The following TMC2 variants were observed in gnomAD, a reference collection of about 807,000 sequenced individuals.
TMC2 encodes the protein transmembrane channel-like protein 2.
A neutral mutation model predicts 105.9 loss-of-function variants in TMC2; 102 were observed. That is an observed-to-expected ratio of 0.96 (90% CI 0.82 to 1.14). The LOEUF is 1.14. Among genes scored for constraint, TMC2 ranks in the 50% most tolerant of loss-of-function variants. The pLI, the probability that TMC2 is intolerant of heterozygous loss-of-function variation, is 0.00. For synonymous variants in TMC2, 402 were observed against 422.8 expected, an observed-to-expected ratio of 0.95 and a Z score of 0.60; for missense variants, 1,093 against 1,134.3, an observed-to-expected ratio of 0.96 and a Z score of 0.52.
At chr20:2,561,125 T>C (rs1196512366) in intron 3 of TMC2, among the ~76,000 whole-genome samples, 1 of 152,228 alleles carries the variant, frequency 6.6e-6, no homozygotes, top group Admixed American at 6.5e-5. Flanking sequence ...TTACTTAATT[T>C]GGACAGATGT....
chr20:2,610,422 G>C lies in TMC2; in HGVS notation c.1417G>C (p.Glu473Gln), dbSNP rs757550968. 1 of 1,610,880 alleles carries C rather than the reference G, an allele frequency of 6.2e-7. No homozygotes were observed. Among genetic ancestry groups the C allele is most frequent in the East Asian group, 2.2e-5 (1 of 44,582 alleles). The part of the protein sequence containing the change: ...NVSWYERNEV[E>Q]IVMSLLGMFC... Reference sequence around the variant, plus strand: ...GTAGGCTTTCCTGATTCCTCAGGTAGAGATCGTGATGTCCCTGCTTGGAAT... The same window carrying C: ...GTAGGCTTTCCTGATTCCTCAGGTACAGATCGTGATGTCCCTGCTTGGAAT... The change falls in exon 12 of 20, where the codon GAG (glutamate) becomes CAG (glutamine). Residue 473 changes from glutamate (E) to glutamine (Q), a missense_variant. Transcript: ENST00000358864.
At chr20:2,609,913 T>G (rs893196738) in intron 11 of TMC2, among the ~76,000 whole-genome samples, 1 of 152,120 alleles carries the variant, frequency 6.6e-6, no homozygotes. Context: ...AGTGGTGCAA[T>G]CTCGCCTCAC....
At chr20:2,633,493 C>G (rs201773318) in intron 17 of TMC2, among the ~76,000 whole-genome samples, 2 of 144,182 alleles carry the variant, frequency 1.4e-5, no homozygotes, top group African/African-American at 5.5e-5. Flanking sequence ...TTATGCAACA[C>G]TTCTCACAGC....
intron 5 of TMC2, among the ~76,000 whole-genome samples, chr20:2,573,203 T>C (rs61253079): frequency 0.12 from 18,340 of 152,152 alleles, 1,340 homozygotes; most frequent in African/African-American, 0.2. Context: ...TAAAAATCCC[T>C]TTGCCAAGTT....
chr20:2,539,531 C>T (rs575916559), intron 2 of TMC2, among the ~76,000 whole-genome samples: 8 of 152,286 alleles, frequency 5.3e-5, no homozygotes, highest in Non-Finnish European at 1.0e-4. Flanking sequence ...AATGACGTTC[C>T]TATTCAGTCC....
Position 2,617,269 on chromosome 20 carries a change from C to T in TMC2, c.2138C>T (p.Thr713Ile), listed in dbSNP as rs2086490929. The T allele has an allele frequency of 2.5e-6, 4 of 1,614,092 alleles. No homozygotes were observed. The highest frequency in any genetic ancestry group is 1.7e-6 in the Non-Finnish European group (2 of 1,180,050). Residue 713 changes from threonine (T) to isoleucine (I), a missense_variant, in exon 16 of 20, where the codon ACC becomes ATC. Transcript: ENST00000358864. The stretch of plus-strand genomic sequence containing the variant: ...CTCAGCCTCCTGCCGGTGGCCTACA[C>T]CATCATGTCCCTCCCACCCTCCTTT... ...LFLSLLPVAY[T>I]IMSLPPSFDC... is the part of the protein sequence containing the mutation.
chr20:2,594,100 A>G (rs2086286998), intron 8 of TMC2, among the ~76,000 whole-genome samples: 1 of 152,114 alleles, frequency 6.6e-6, no homozygotes, highest in Admixed American at 6.6e-5. Flanking sequence ...GCTGGGAGGC[A>G]TGGCTGTAGT....
In TMC2 at chr20:2,558,415, G is replaced by A. The variant is rs1200932260; in HGVS notation, c.83-41G>A. On this transcript the variant is annotated intron_variant, in intron 2 of 19. Transcript: ENST00000358864. This position sits in a 1 kb window ranked among gnomAD's most constrained non-coding sequence, Gnocchi z 4.6. ...GCCGGGGACATTTTCCTGGGCCTGAGGCCGTTGGAACCAGAACTGTCCATT... is the reference window on the plus strand; with the variant it reads ...GCCGGGGACATTTTCCTGGGCCTGAAGCCGTTGGAACCAGAACTGTCCATT... 1 of 1,549,018 alleles carries A rather than the reference G, an allele frequency of 6.5e-7. No individual in the cohort carries two copies. The highest frequency in any genetic ancestry group is 2.0e-5 in the Admixed American group (1 of 50,934).
intron 14 of TMC2, among the ~76,000 whole-genome samples, chr20:2,615,383 C>G (rs563126468): frequency 6.6e-6 from 1 of 152,362 alleles, no homozygotes; most frequent in Non-Finnish European, 1.5e-5. Flanking sequence ...CTTCTTCCAT[C>G]CATGCATGCT....
intron 10 of TMC2, among the ~76,000 whole-genome samples, chr20:2,599,525 TTTTC>T (rs1464479632): frequency 6.7e-6 from 1 of 150,120 alleles, no homozygotes; most frequent in Non-Finnish European, 1.5e-5. Context: ...TTCGTTTTTT[TTTTC>T]TTTAATTACA....
chr20:2,551,046 T>C (rs554976709), intron 2 of TMC2, among the ~76,000 whole-genome samples: 3 of 152,364 alleles, frequency 2.0e-5, no homozygotes, highest in South Asian at 4.1e-4. Context: ...TGTTTAGTTT[T>C]GTAAGAAACT....
intron 10 of TMC2, among the ~76,000 whole-genome samples, chr20:2,599,518 GT>G (rs1375288474): frequency 1.5e-4 from 15 of 100,146 alleles, no homozygotes; most frequent in East Asian, 2.9e-4. Flanking sequence ...CAAGTTCTTC[GT>G]TTTTTTTTTC....
intron 19 of TMC2, among the ~76,000 whole-genome samples, chr20:2,639,438 C>T (rs1468339735): frequency 6.6e-6 from 1 of 152,152 alleles, no homozygotes; most frequent in African/African-American, 2.4e-5. Flanking sequence ...CATTATGTTC[C>T]AACTGTTTAT....
At chr20:2,596,023 T>C (rs1234224365) in intron 9 of TMC2, among the ~76,000 whole-genome samples, 2 of 152,236 alleles carry the variant, frequency 1.3e-5, no homozygotes, top group African/African-American at 4.8e-5. Context: ...GCTTTTTCCC[T>C]GCTCTCACCC....
chr20:2,615,148 T>C (rs575625044), intron 14 of TMC2, among the ~76,000 whole-genome samples: 1 of 152,102 alleles, frequency 6.6e-6, no homozygotes, highest in East Asian at 1.9e-4. Flanking sequence ...ATGGTGAAAC[T>C]CCATCTCTAC....
intron 7 of TMC2, among the ~76,000 whole-genome samples, chr20:2,589,276 G>GTGTGTA (rs2086252643): frequency 7.3e-6 from 1 of 137,614 alleles, no homozygotes; most frequent in African/African-American, 2.9e-5. Context: ...TGCCCTGTGT[G>GTGTGTA]TGTGTGTGTG....
chr20:2,547,215 T>C (rs1018457404), intron 2 of TMC2, among the ~76,000 whole-genome samples: 2 of 152,156 alleles, frequency 1.3e-5, no homozygotes, highest in African/African-American at 2.4e-5. Flanking sequence ...TCATCTCCAA[T>C]AGAAAAGCAC....
chr20:2,595,026 G>T, intron 9 of TMC2, 59 bp downstream of exon 9: 1 of 1,559,814 alleles, frequency 6.4e-7, no homozygotes, highest in Non-Finnish European at 8.7e-7. Flanking sequence ...CACTCCCCTG[G>T]CCACTCTATG....
chr20:2,560,008 A>C (rs1351397578), intron 3 of TMC2, among the ~76,000 whole-genome samples: 3 of 152,216 alleles, frequency 2.0e-5, no homozygotes, highest in Non-Finnish European at 2.9e-5. Context: ...CAGAGGAGAT[A>C]ACACATAGGC....
Sources: gnomAD v4.1 joint callset for allele counts (sites outside exome capture counted in the v4.1 genomes callset) on GRCh38, gnomAD v4.1.1 for gene constraint, Gnocchi (gnomAD v3.1) non-coding constraint, MANE v1.5 for transcripts, NCBI Gene and HGNC (gene_info 2026-07-23, HGNC 2026-07-21) for gene names.